The following TTN variants were observed in gnomAD, a reference collection of about 807,000 sequenced individuals.
TTN encodes connectin.
In TTN, 1,525 loss-of-function variants were observed where a neutral mutation model predicts 3,223.0. That is an observed-to-expected ratio of 0.47 (90% confidence interval 0.45 to 0.49). The LOEUF is 0.49. TTN is among the 20% of genes least tolerant of loss of function. TTN has a pLI of 0.00. For synonymous variants in TTN, 14,094 were observed against 15,161.0 expected (o/e 0.93, Z 5.17); for missense variants, 40,786 against 43,424.0 (o/e 0.94, Z 5.40).
At chr2:178,692,647 T>C in intron 119 of TTN, 67 bp from the exon 120 acceptor site, 1 of 1,167,450 alleles carries the variant, frequency 8.6e-7, no homozygotes, top group Non-Finnish European at 1.2e-6. Flanking sequence ...TTGTAAGACT[T>C]AGAATTAAAT....
chr2:178,667,493 C>T lies in TTN; in HGVS notation c.35662G>A (p.Asp11888Asn), dbSNP rs1356416507. ...PEPPKKVVPE[D>N]KIYVTIPKKR... ...TTAGGAATAGTCACATATATTTTGTCTTCTGGAACAACTTTCTTGGGTGGC... is the reference window on the plus strand; with the variant it reads ...TTAGGAATAGTCACATATATTTTGTTTTCTGGAACAACTTTCTTGGGTGGC... The change falls in exon 161 of 363, where the codon GAC becomes AAC. Residue 11888 changes from aspartate to asparagine, a missense_variant. Physicochemically the swap from Asp to Asn is conservative, Grantham distance 23 (BLOSUM62 1). Transcript: ENST00000589042. 1.3e-6 allele frequency: 2 copies of T among 1,598,632 alleles called. No individual in the cohort carries two copies. The highest frequency in any genetic ancestry group is 1.7e-6 in the Non-Finnish European group (2 of 1,179,118).
intron 100 of TTN, 132 bp from the exon 101 acceptor site, chr2:178,707,086 G>C: frequency 1.3e-6 from 1 of 754,814 alleles, no homozygotes; most frequent in Non-Finnish European, 2.1e-6. Context: ...TTCTATGTAA[G>C]GGTGGGTTAC....
chr2:178,699,383 C>G (rs1328216782), intron 111 of TTN, among the ~76,000 whole-genome samples: 1 of 44,858 alleles, frequency 2.2e-5, no homozygotes, highest in Admixed American at 3.1e-4. Context: ...AAATAACACT[C>G]TTTTTTTTTT....
Position 178,635,293 on chromosome 2 carries a change from C to G in TTN, c.41896G>C (p.Glu13966Gln). Reference protein sequence around the residue: ...AKLTLGEREVELLKPIEDVTI... With the variant: ...AKLTLGEREVQLLKPIEDVTI... ...ACGTCCTCTATTGGTTTAAGCAGTT[C>G]AACTTCACGCTCTGTATTGGTCAGG... The change falls in exon 228 of 363, where the codon GAA becomes CAA. Residue 13966 changes from glutamate (E) to glutamine (Q), a missense_variant. Physicochemically the swap from Glu to Gln is conservative, Grantham distance 29. Coordinates refer to ENST00000589042, the MANE Select transcript of TTN (RefSeq NM_001267550.2). 1 of 1,613,098 alleles carries G rather than the reference C, an allele frequency of 6.2e-7. No individual in the cohort carries two copies. Among genetic ancestry groups the G allele is most frequent in the Non-Finnish European group, 8.5e-7 (1 of 1,179,484 alleles).
chr2:178,663,259 G>A lies in TTN; in HGVS notation c.36700+7C>T. The A allele has an allele frequency of 6.4e-7, 1 of 1,559,218 alleles. No individual in the cohort carries two copies. Among genetic ancestry groups the A allele is most frequent in the Non-Finnish European group, 8.7e-7 (1 of 1,151,786 alleles). Reference sequence around the variant, plus strand: ...TTCTCCTATAGTTTGTATAGCTTTGGCATTACCTTCAGGGGGAGGACTTTC... The same window carrying A: ...TTCTCCTATAGTTTGTATAGCTTTGACATTACCTTCAGGGGGAGGACTTTC... On this transcript the variant is annotated splice_region_variant and intron_variant, in intron 173 of 362. Coordinates refer to ENST00000589042, the MANE Select transcript of TTN (RefSeq NM_001267550.2).
Position 178,681,383 on chromosome 2 carries a change from T to C in TTN, c.33240A>G (p.Pro11080=), listed in dbSNP as rs2154270977. ...VPIPKKLKPP[P]PKVPEEPKKV... ...TATTACTCAGTAATGTACCTTTGGGTGGTGGAGGTTTGAGTTTCTTAGGAA... is the reference window on the plus strand; with the variant it reads ...TATTACTCAGTAATGTACCTTTGGGCGGTGGAGGTTTGAGTTTCTTAGGAA... Residue 11080 remains proline, a synonymous_variant, in exon 137 of 363, where the codon CCA becomes CCG. Transcript: ENST00000589042. 7 of 1,611,708 alleles carry C rather than the reference T, an allele frequency of 4.3e-6. No individual in the cohort carries two copies. The highest frequency in any genetic ancestry group is 5.9e-6 in the Non-Finnish European group (7 of 1,178,442).
At chr2:178,749,485 T>A in intron 47 of TTN, 1 of 1,612,902 alleles carries the variant, frequency 6.2e-7, no homozygotes, top group Non-Finnish European at 8.5e-7. Context: ...AATAGTCCCT[T>A]ACTGAATATT....
chr2:178,700,834 G>A (rs1336438964), intron 111 of TTN, among the ~76,000 whole-genome samples: 2 of 151,318 alleles, frequency 1.3e-5, no homozygotes, highest in African/African-American at 2.4e-5. Context: ...ATACATAGTA[G>A]TTAGGAAAAT....
chr2:178,695,788 G>C (rs1393021435), intron 114 of TTN, 77 bp downstream of exon 114: 1 of 1,169,240 alleles, frequency 8.6e-7, no homozygotes, highest in African/African-American at 1.6e-5. Flanking sequence ...TGCAAATCAG[G>C]TTCATAGCAT....
rs1053333216 is a variant in TTN at position 178,715,545 on chromosome 2, C to T, written c.25869G>A (p.Glu8623=). The change falls in exon 89 of 363, where the codon GAG becomes GAA. Residue 8623 remains glutamate (E), a synonymous_variant. Coordinates refer to ENST00000589042, the MANE Select transcript of TTN (RefSeq NM_001267550.2). ...SVEDSGDYTC[E]AHNAAGSASS... is the part of the protein sequence containing the mutation. ...TGGCACTGCCTGCTGCATTGTGGGC[C>T]TCACAGGTGTAGTCTCCACTGTCTT... is the stretch of plus-strand genomic sequence containing the variant. 1.2e-6 allele frequency: 2 copies of T among 1,613,536 alleles called. No homozygotes were observed. Among genetic ancestry groups the T allele is most frequent in the East Asian group, 2.2e-5 (1 of 44,854 alleles).
rs775748407 is a variant in TTN, at chr2:178,756,423, CT to C, written c.11052del (p.Asp3685MetfsTer7). On this transcript the variant is annotated frameshift_variant, in exon 46 of 363. Transcript: ENST00000589042. LOFTEE classifies it high-confidence loss of function. ...GDTAQFLCVL[K>X]DDSFIDVTWT... Reference sequence around the variant, plus strand: ...CAGGTTACATCAATGAAAGAATCATCTTTTAAAACACAGAGGAATTGAGCCG... The same window carrying C: ...CAGGTTACATCAATGAAAGAATCATCTTTAAAACACAGAGGAATTGAGCCG... 2.5e-6 allele frequency: 4 copies of C among 1,613,798 alleles called. No individual in the cohort carries two copies. In the South Asian group the frequency reaches 4.4e-5, roughly 18 times the overall value.
chr2:178,633,146 A>G, intron 233 of TTN, 41 bp downstream of exon 233: 1 of 1,603,274 alleles, frequency 6.2e-7, no homozygotes, highest in Non-Finnish European at 8.5e-7. Flanking sequence ...CTACACAACC[A>G]AGCAACCCCT....
rs1164269030 is a variant in TTN, at chr2:178,557,508, C to G, written c.87754G>C (p.Glu29252Gln). 5 of 1,613,816 alleles carry G rather than the reference C, an allele frequency of 3.1e-6. No individual in the cohort carries two copies. In the Admixed American group the frequency reaches 6.7e-5, roughly 22 times the overall value. ...TCATGCCAGCCCACAGTGATGCTTTCTCGAGTAACATTAGTGACCCATGGT... is the reference window on the plus strand; with the variant it reads ...TCATGCCAGCCCACAGTGATGCTTTGTCGAGTAACATTAGTGACCCATGGT... Reference protein sequence around the residue: ...STPWVTNVTRESITVGWHEPV... With the variant: ...STPWVTNVTRQSITVGWHEPV... Residue 29252 changes from glutamate (E) to glutamine (Q), a missense_variant, in exon 329 of 363, where the codon GAA becomes CAA. Transcript: ENST00000589042.
chr2:178,641,744 C>T (rs2061263581), intron 219 of TTN, among the ~76,000 whole-genome samples: 1 of 151,796 alleles, frequency 6.6e-6, no homozygotes, highest in Non-Finnish European at 1.5e-5. Flanking sequence ...AATGTTAGAA[C>T]TTAATTCTTC....
rs369626133 is a variant in TTN at position 178,543,892 on chromosome 2, T to A, written c.96252A>T (p.Thr32084=). ...TGCCAGATTGGTTTTCAGCTTCAAT[T>A]GTGTATTTTCCAGCATCGTACCGAT... ...KVNRYDAGKY[T]IEAENQSGKK... Residue 32084 remains threonine (T), a synonymous_variant, in exon 346 of 363, where the codon ACA becomes ACT. Coordinates refer to ENST00000589042, the MANE Select transcript of TTN (RefSeq NM_001267550.2). The A allele has an allele frequency of 6.2e-7, 1 of 1,613,720 alleles. No individual in the cohort carries two copies. Among genetic ancestry groups the A allele is most frequent in the Middle Eastern group, 1.7e-4 (1 of 6,056 alleles).
chr2:178,679,784 T>C (rs1030882521), intron 140 of TTN, 102 bp from the exon 141 acceptor site: 19 of 1,547,078 alleles, frequency 1.2e-5, no homozygotes, highest in Non-Finnish European at 1.5e-5. Context: ...AATATCTGCT[T>C]TAAAGTAAGC....
Position 178,729,571 on chromosome 2 carries a change from A to C in TTN, c.18590-5T>G. Reference sequence around the variant, plus strand: ...CTCTGATAAAGGTGGGGGGTTCTAAAGATTCAAAAGGAAGACAGTAGCTTA... The same window carrying C: ...CTCTGATAAAGGTGGGGGGTTCTAACGATTCAAAAGGAAGACAGTAGCTTA... On this transcript the variant is annotated splice_region_variant and splice_polypyrimidine_tract_variant and intron_variant, in intron 63 of 362. Coordinates refer to ENST00000589042, the MANE Select transcript of TTN (RefSeq NM_001267550.2). 3 of 1,612,058 alleles carry C rather than the reference A, an allele frequency of 1.9e-6. No homozygotes were observed. The highest frequency in any genetic ancestry group is 2.5e-6 in the Non-Finnish European group (3 of 1,178,904).
chr2:178,583,960 T>G, intron 311 of TTN, 54 bp from the exon 312 acceptor site: 3 of 1,419,014 alleles, frequency 2.1e-6, no homozygotes, highest in Non-Finnish European at 2.8e-6. Context: ...AAGTTTAAAC[T>G]TCCATATTTC....
Position 178,665,780 on chromosome 2 carries a change from G to T in TTN, c.35887C>A (p.Pro11963Thr), listed in dbSNP as rs1344539581. Residue 11963 changes from proline (P) to threonine (T), a missense_variant, in exon 164 of 363, where the codon CCT becomes ACT. Coordinates refer to ENST00000589042, the MANE Select transcript of TTN (RefSeq NM_001267550.2). The part of the protein sequence containing the change: ...KTPSPTVPES[P>T]REIVPVKETP... Reference sequence around the variant, plus strand: ...TCCTTTACAGGGACAATTTCTCGAGGTGATTCAGGCACTTTAAAGATATGA... The same window carrying T: ...TCCTTTACAGGGACAATTTCTCGAGTTGATTCAGGCACTTTAAAGATATGA... 4 of 1,294,320 alleles carry T rather than the reference G, an allele frequency of 3.1e-6. No individual in the cohort carries two copies. The highest frequency in any genetic ancestry group is 3.9e-6 in the Non-Finnish European group (4 of 1,026,090). 80.2% of individuals were successfully genotyped at this position (1,294,320 alleles called of 1,614,324 possible).
Sources: gnomAD v4.1 joint callset for allele counts (sites outside exome capture counted in the v4.1 genomes callset) on GRCh38, gnomAD v4.1.1 for gene constraint, MANE v1.5 for transcripts, NCBI Gene and HGNC (gene_info 2026-07-23, HGNC 2026-07-21) for gene names.